Variants in MTMR2 observed in about 807,000 individuals in gnomAD.
The protein encoded by MTMR2 is phosphatidylinositol-3,5-bisphosphate 3-phosphatase MTMR2.
MTMR2 carries 55 observed loss-of-function variants against 86.9 expected under a neutral mutation model. The ratio of observed to expected loss-of-function variants is 0.63; its 90% CI spans 0.51 to 0.79. The LOEUF (loss-of-function observed/expected upper bound fraction) is 0.79, where lower values mean the gene tolerates loss of function less well. Ranked by LOEUF, MTMR2 falls within the 30% of genes least tolerant of loss-of-function variation. The pLI is 0.00. For missense variants in MTMR2, 659 were observed against 772.3 expected (o/e 0.85, Z 1.74); for synonymous variants, 241 against 266.8 (o/e 0.90, Z 0.94).
At chr11:95,879,537 C>A (rs540433918) in intron 2 of MTMR2, among the ~76,000 whole-genome samples, 1 of 152,292 alleles carries the variant, frequency 6.6e-6, no homozygotes, top group East Asian at 1.9e-4. Context: ...ATTCCAGTAG[C>A]CTCCAAACAT....
At chr11:95,917,919 T>C (rs1866770729) in intron 1 of MTMR2, among the ~76,000 whole-genome samples, 1 of 152,212 alleles carries the variant, frequency 6.6e-6, no homozygotes, top group Admixed American at 6.5e-5. Flanking sequence ...TTAAAAATGC[T>C]TGTTTCCACT....
At chr11:95,915,741 C>T (rs778522594) in intron 1 of MTMR2, among the ~76,000 whole-genome samples, 10 of 152,114 alleles carry the variant, frequency 6.6e-5, no homozygotes, top group Admixed American at 3.3e-4. Flanking sequence ...TACATGGATA[C>T]ATGGCTTGGA....
chr11:95,845,190 T>C, intron 10 of MTMR2, 31 bp from the exon 11 acceptor site: 2 of 1,551,798 alleles, frequency 1.3e-6, no homozygotes, highest in Non-Finnish European at 1.8e-6. Context: ...TACATTGTTT[T>C]TAAACAAGGT....
At chr11:95,847,562 A>C in intron 10 of MTMR2, 152 bp downstream of exon 10, 2 of 732,584 alleles carry the variant, frequency 2.7e-6, no homozygotes. Context: ...TCAAACATTA[A>C]AATTCACTAG....
chr11:95,896,313 G>GT (rs945143606), intron 1 of MTMR2, among the ~76,000 whole-genome samples: 2 of 149,620 alleles, frequency 1.3e-5, no homozygotes, highest in East Asian at 2.0e-4. Context: ...ATTTTTTTTT[G>GT]TTTTTTTGGT....
At chr11:95,881,288 T>C (rs1372133640) in intron 2 of MTMR2, among the ~76,000 whole-genome samples, 1 of 152,152 alleles carries the variant, frequency 6.6e-6, no homozygotes, top group Non-Finnish European at 1.5e-5. Flanking sequence ...CTTTAGCTTA[T>C]GCCTGATTGG....
intron 1 of MTMR2, among the ~76,000 whole-genome samples, chr11:95,907,296 C>T (rs1866315750): frequency 6.6e-6 from 1 of 152,032 alleles, no homozygotes; most frequent in Non-Finnish European, 1.5e-5. Context: ...AACATACAAC[C>T]TTCCAAGACT....
rs373945714 is a variant in MTMR2, at chr11:95,865,719, A to G, written c.187-43T>C. The G allele has an allele frequency of 7.9e-5, 120 of 1,517,880 alleles. No individual in the cohort carries two copies. In the African/African-American group the frequency reaches 1.5e-3, roughly 20 times the overall value. The allele number at this position is 1,517,880 out of a possible 1,614,324, so 94.0% of individuals were successfully genotyped here. On this transcript the variant is annotated intron_variant, in intron 2 of 14. Coordinates refer to ENST00000346299, the MANE Select transcript of MTMR2 (RefSeq NM_016156.6). The stretch of plus-strand genomic sequence containing the variant: ...AAAAAAGAAACATTTTTTTATTCAA[A>G]GGCTACTTTTTCACTCATATTTCAA...
At chr11:95,865,576 T>C in intron 3 of MTMR2, 25 bp downstream of exon 3, 1 of 1,580,540 alleles carries the variant, frequency 6.3e-7, no homozygotes, top group Non-Finnish European at 8.7e-7. Flanking sequence ...GAGAAGGACA[T>C]TAAGCAAAAA....
intron 1 of MTMR2, among the ~76,000 whole-genome samples, chr11:95,900,020 C>T (rs1866013850): frequency 6.6e-6 from 1 of 152,024 alleles, no homozygotes; most frequent in African/African-American, 2.4e-5. Flanking sequence ...GAAAAAAATT[C>T]TAGAGGAACT....
Position 95,872,692 on chromosome 11 carries a change from A to G in MTMR2, c.187-7016T>C, listed in dbSNP as rs997498164. Among the ~76,000 whole-genome samples the G allele has an allele frequency of 2.0e-5, 3 of 152,198 alleles. No individual in the cohort carries two copies. In the East Asian group the frequency reaches 5.8e-4, roughly 29 times the overall value. On this transcript the variant is annotated intron_variant, in intron 2 of 14. Transcript: ENST00000346299. Reference sequence around the variant, plus strand: ...AGAGAGGGCATCCCTGTCTTGTGCCAGTTTTCAAAGGGAATGCTTCCAGTT... The same window carrying G: ...AGAGAGGGCATCCCTGTCTTGTGCCGGTTTTCAAAGGGAATGCTTCCAGTT...
In MTMR2 at chr11:95,904,809, T is replaced by A. The variant is rs184140896; in HGVS notation, c.81-16548A>T. Among the ~76,000 whole-genome samples the A allele has an allele frequency of 1.5e-3, 233 of 152,322 alleles. 4 individuals are homozygous for A. The highest frequency in any genetic ancestry group is 5.2e-3 in the African/African-American group (217 of 41,566). ...TACTCTATGGACTCACCCCGAATTC[T>A]TTCTTGAGCAAGATCTAAGAACCCT... On this transcript the variant is annotated intron_variant, in intron 1 of 14. Coordinates refer to ENST00000346299, the MANE Select transcript of MTMR2 (RefSeq NM_016156.6).
chr11:95,875,188 T>A (rs1401780102), intron 2 of MTMR2, among the ~76,000 whole-genome samples: 1 of 152,242 alleles, frequency 6.6e-6, no homozygotes, highest in Non-Finnish European at 1.5e-5. Context: ...TCCTGCAGAA[T>A]GTTTTCCAAC....
intron 1 of MTMR2, among the ~76,000 whole-genome samples, chr11:95,919,464 C>G (rs1866831927): frequency 6.6e-6 from 1 of 151,952 alleles, no homozygotes; most frequent in African/African-American, 2.4e-5. Flanking sequence ...ACCAAATAAT[C>G]TGGGATAAAC....
At chr11:95,874,659 CT>C (rs1359848615) in intron 2 of MTMR2, among the ~76,000 whole-genome samples, 1 of 152,138 alleles carries the variant, frequency 6.6e-6, no homozygotes, top group African/African-American at 2.4e-5. Flanking sequence ...GGTTATTTTG[CT>C]CGTTAGTTGA....
chr11:95,872,099 G>T (rs971009287), intron 2 of MTMR2, among the ~76,000 whole-genome samples: 4 of 152,014 alleles, frequency 2.6e-5, no homozygotes, highest in African/African-American at 4.8e-5. Flanking sequence ...GACTTGGCAA[G>T]GCGGGCTCTT....
At chr11:95,900,593 T>C (rs963990865) in intron 1 of MTMR2, among the ~76,000 whole-genome samples, 4 of 151,972 alleles carry the variant, frequency 2.6e-5, no homozygotes, top group Admixed American at 1.3e-4. Flanking sequence ...CTTACCTATA[T>C]CCAAACGCAC....
At chr11:95,909,154 G>A (rs1677435361) in intron 1 of MTMR2, among the ~76,000 whole-genome samples, 1 of 151,728 alleles carries the variant, frequency 6.6e-6, no homozygotes, top group Non-Finnish European at 1.5e-5. Flanking sequence ...CACTCTTTTG[G>A]TCTCAAAAGT....
In MTMR2 at chr11:95,862,745, A is replaced by T. The variant is rs142932304; in HGVS notation, c.263-379T>A. Among the ~76,000 whole-genome samples, 317 of 152,266 alleles carry T rather than the reference A, an allele frequency of 2.1e-3. 2 individuals are homozygous for T. Among genetic ancestry groups the T allele is most frequent in the Middle Eastern group, 0.01 (3 of 294 alleles). ...GTCAAGGCACAGTCGCCATCATCTC[A>T]TTGCAGTTTCTATGTAACCTCACCA... On this transcript the variant is annotated intron_variant, in intron 3 of 14. Coordinates refer to ENST00000346299, the MANE Select transcript of MTMR2 (RefSeq NM_016156.6).
Sources: gnomAD v4.1 joint callset for allele counts (sites outside exome capture counted in the v4.1 genomes callset) on GRCh38, gnomAD v4.1.1 for gene constraint, MANE v1.5 for transcripts, NCBI Gene and HGNC (gene_info 2026-07-23, HGNC 2026-07-21) for gene names.